Variants in AQP9 observed in about 807,000 individuals in gnomAD.
The protein encoded by AQP9 is aquaporin-9.
A neutral mutation model predicts 23.8 loss-of-function variants in AQP9; 19 were observed. The observed-to-expected ratio is 0.80, with a 90% CI of 0.56 to 1.17. The LOEUF is 1.17. Among genes scored for constraint, AQP9 ranks in the 50% most tolerant of loss-of-function variants. The pLI, the probability that AQP9 is intolerant of heterozygous loss-of-function variation, is 0.00. For synonymous variants in AQP9, 153 were observed against 131.5 expected (o/e 1.16, Z -1.12); for missense variants, 413 against 362.0 (o/e 1.14, Z -1.14).
At chr15:58,155,812 C>A (rs1034150271) in intron 1 of AQP9, 3 of 152,144 alleles carry the variant, frequency 2.0e-5, no homozygotes, top group African/African-American at 7.2e-5. Context: ...TATGATCCAT[C>A]CCTAATAAAC....
In AQP9 at chr15:58,185,868, C is replaced by T. The variant is rs17240643; in HGVS notation, c.*1733C>T. ...ATTTTTTTTTCTTGCTTTGAAGCTA[C>T]CTGGATATTTCCTATTTGAAATAAA... On this transcript the variant is annotated 3_prime_UTR_variant, in exon 6 of 6. Transcript: ENST00000219919. 22,959 of 152,090 alleles carry T rather than the reference C, an allele frequency of 0.15. 1,804 individuals carry two copies. The highest frequency in any genetic ancestry group is 0.17 in the Non-Finnish European group (11,768 of 67,984). The allele number at this position is 152,090 out of a possible 1,614,324, so 9.4% of individuals were successfully genotyped here. A position where few individuals can be genotyped will look rare whatever the true frequency, so the allele number is the denominator to read the frequency against.
Position 58,138,650 on chromosome 15 carries a change from G to C in AQP9, c.85G>C (p.Glu29Gln), listed in dbSNP as rs1162878848. Residue 29 changes from glutamate (E) to glutamine (Q), a missense_variant, in exon 1 of 6, where the codon GAG (glutamate) becomes CAG (glutamine). Coordinates refer to ENST00000219919, the MANE Select transcript of AQP9 (RefSeq NM_020980.5). ...CAGCTTAGCGAAAGAAACCCTCTCT[G>C]AGTTCTTGGGCACGTTCATCTTGAT... is the stretch of plus-strand genomic sequence containing the variant. Reference protein sequence around the residue: ...KSSLAKETLSEFLGTFILIVL... With the variant: ...KSSLAKETLSQFLGTFILIVL... 2.7e-5 allele frequency: 43 copies of C among 1,613,648 alleles called. No homozygotes were observed. The highest frequency in any genetic ancestry group is 2.9e-5 in the Non-Finnish European group (34 of 1,179,734).
rs540486802 is a variant in AQP9, at chr15:58,185,247, C to T, written c.*1112C>T. On this transcript the variant is annotated 3_prime_UTR_variant, in exon 6 of 6. Coordinates refer to ENST00000219919, the MANE Select transcript of AQP9 (RefSeq NM_020980.5). ...ATAAGTTGAGTTGTCCAAGAGCACA[C>T]TGAAAGTTGAATGTTATCTAATGCA... 6 of 152,778 alleles carry T rather than the reference C, an allele frequency of 3.9e-5. No homozygotes were observed. In the South Asian group the frequency reaches 1.2e-3, roughly 32 times the overall value. The allele number at this position is 152,778 out of a possible 1,614,324, so 9.5% of individuals were successfully genotyped here. A position where few individuals can be genotyped will look rare whatever the true frequency, so the allele number is the denominator to read the frequency against.
intron 1 of AQP9, among the ~76,000 whole-genome samples, chr15:58,157,625 G>T (rs575131459): frequency 2.4e-4 from 37 of 152,062 alleles, no homozygotes; most frequent in Non-Finnish European, 2.9e-5. Context: ...CAGCGTTAGC[G>T]GGGAGTGTGC....
chr15:58,139,504 C>T (rs1221367384), intron 1 of AQP9, among the ~76,000 whole-genome samples: 1 of 152,206 alleles, frequency 6.6e-6, no homozygotes, highest in Non-Finnish European at 1.5e-5. Flanking sequence ...AATGTATTAT[C>T]ATGTGGCAAC....
At position 58,184,012 on chromosome 15, in the gene AQP9, T is replaced by G. The variant is rs1898953274; in HGVS notation, c.765T>G (p.Ala255=). The G allele has an allele frequency of 6.2e-7, 1 of 1,614,190 alleles. No homozygotes were observed. Among genetic ancestry groups the G allele is most frequent in the Non-Finnish European group, 8.5e-7 (1 of 1,180,024 alleles). The change falls in exon 6 of 6, where the codon GCT becomes GCG. Residue 255 remains alanine, a synonymous_variant. Coordinates refer to ENST00000219919, the MANE Select transcript of AQP9 (RefSeq NM_020980.5). The part of the protein sequence containing the change: ...WIPVVGPLVG[A]VIGGLIYVLV... ...CTGTAGTGGGCCCTTTGGTTGGTGC[T>G]GTCATTGGAGGCCTCATCTATGTTC...
At chr15:58,175,328 C>G (rs553350517) in intron 4 of AQP9, among the ~76,000 whole-genome samples, 1 of 152,230 alleles carries the variant, frequency 6.6e-6, no homozygotes, top group Non-Finnish European at 1.5e-5. Flanking sequence ...AAATGGACTT[C>G]ACTTCACTAT....
rs993085127 is a variant in AQP9, at chr15:58,157,400, T to C, written c.112-9273T>C. On this transcript the variant is annotated intron_variant, in intron 1 of 5. Coordinates refer to ENST00000219919, the MANE Select transcript of AQP9 (RefSeq NM_020980.5). Reference sequence around the variant, plus strand: ...GAGACTTGGAGGTATTGGGGCATTTTAGAATGTCCACCTGGCTTACTTTTT... The same window carrying C: ...GAGACTTGGAGGTATTGGGGCATTTCAGAATGTCCACCTGGCTTACTTTTT... 3.9e-5 allele frequency among the ~76,000 whole-genome samples: 6 copies of C among 152,194 alleles called. No individual in the cohort carries two copies. The East Asian group carries it at 1.2e-3, about 29-fold the overall frequency.
intron 1 of AQP9, among the ~76,000 whole-genome samples, chr15:58,160,681 T>TG (rs754059677): frequency 6.7e-6 from 1 of 149,014 alleles, no homozygotes; most frequent in Non-Finnish European, 1.5e-5. Flanking sequence ...TTTTTGGGGG[T>TG]GGGGGGTCGG....
intron 1 of AQP9, chr15:58,156,000 C>T (rs1181776721): frequency 2.6e-5 from 4 of 152,178 alleles, no homozygotes; most frequent in African/African-American, 7.2e-5. Flanking sequence ...CCATTATGCA[C>T]TTCTCAACTA....
intron 1 of AQP9, among the ~76,000 whole-genome samples, chr15:58,154,595 C>G (rs201436560): frequency 1.7e-4 from 26 of 151,612 alleles, no homozygotes; most frequent in Non-Finnish European, 2.7e-4. Context: ...TCCCATCATA[C>G]TCATTCACCA....
At position 58,185,461 on chromosome 15, in the gene AQP9, G is replaced by C. The variant is rs550705675; in HGVS notation, c.*1326G>C. 1 of 152,676 alleles carries C rather than the reference G, an allele frequency of 6.5e-6. No homozygotes were observed. Among genetic ancestry groups the C allele is most frequent in the African/African-American group, 2.4e-5 (1 of 41,456 alleles). The allele number at this position is 152,676 out of a possible 1,614,324, so 9.5% of individuals were successfully genotyped here. On this transcript the variant is annotated 3_prime_UTR_variant, in exon 6 of 6. Transcript: ENST00000219919. ...ACTTACTGAGTACAGATGAAGGAAA[G>C]TGGTAGCAATTTAATCATAACTTTC...
intron 2 of AQP9, among the ~76,000 whole-genome samples, chr15:58,167,782 G>C (rs574832704): frequency 6.6e-6 from 1 of 152,164 alleles, no homozygotes; most frequent in South Asian, 2.1e-4. Flanking sequence ...GAGCACAATG[G>C]CACGATCTTG....
At position 58,183,826 on chromosome 15, in the gene AQP9, C is replaced by T. The variant is rs1898946666; in HGVS notation, c.714-135C>T. 27 of 921,326 alleles carry T rather than the reference C, an allele frequency of 2.9e-5. 1 individual carries two copies. The highest frequency in any genetic ancestry group is 2.0e-4 in the South Asian group (12 of 60,124). The allele number at this position is 921,326 out of a possible 1,614,324, so 57.1% of individuals were successfully genotyped here. A position where few individuals can be genotyped will look rare whatever the true frequency, so the allele number is the denominator to read the frequency against. The stretch of plus-strand genomic sequence containing the variant: ...GGCAGTTGCCATGCTGCACTGAGCC[C>T]CCCTTATACTTAGCTCTTGCTGAGT... On this transcript the variant is annotated intron_variant, in intron 5 of 5. Transcript: ENST00000219919.
intron 5 of AQP9, among the ~76,000 whole-genome samples, chr15:58,180,209 T>C (rs961948565): frequency 2.0e-5 from 3 of 152,190 alleles, no homozygotes; most frequent in Non-Finnish European, 4.4e-5. Flanking sequence ...GAGCTCACTT[T>C]GGTTCATCAG....
chr15:58,175,435 G>A (rs1445151899), intron 4 of AQP9, among the ~76,000 whole-genome samples: 1 of 152,128 alleles, frequency 6.6e-6, no homozygotes, highest in Non-Finnish European at 1.5e-5. Context: ...TGAGCCTAGG[G>A]GATCATCAAT....
At chr15:58,179,061 A>T (rs949923862) in intron 4 of AQP9, 67 bp from the exon 5 acceptor site, 1 of 1,118,176 alleles carries the variant, frequency 8.9e-7, no homozygotes. Context: ...GTAAGAAGGG[A>T]TGATTTTGAG....
chr15:58,174,234 G>A (rs749633947), intron 3 of AQP9, among the ~76,000 whole-genome samples: 1 of 151,768 alleles, frequency 6.6e-6, no homozygotes, highest in African/African-American at 2.4e-5. Flanking sequence ...AGTGAGCCAG[G>A]ATCATGCCAT....
At chr15:58,173,256 A>G (rs755916365) in intron 3 of AQP9, 51 bp downstream of exon 3, 1 of 1,606,688 alleles carries the variant, frequency 6.2e-7, no homozygotes, top group Non-Finnish European at 8.5e-7. Context: ...GCATAATTTG[A>G]AAGTCAGAAT....
Sources: allele counts gnomAD v4.1 joint callset (sites outside exome capture counted in the v4.1 genomes callset), GRCh38; gene constraint gnomAD v4.1.1; transcripts MANE v1.5; gene names NCBI Gene and HGNC (gene_info 2026-07-23, HGNC 2026-07-21).